The following COG5 variants were observed in gnomAD, a reference collection of about 807,000 sequenced individuals.
COG5 encodes the protein component of oligomeric golgi complex 5.
A neutral mutation model predicts 110.4 loss-of-function variants in COG5; 86 were observed. The observed-to-expected ratio is 0.78, with a 90% CI of 0.65 to 0.93. The LOEUF is 0.93. Among genes scored for constraint, COG5 ranks in the 40% least tolerant of loss-of-function variants. The pLI is 0.00. For synonymous variants in COG5, 360 were observed against 334.6 expected (o/e 1.08, Z -0.83); for missense variants, 1,077 against 987.0 (o/e 1.09, Z -1.22).
At chr7:107,228,909 A>G (rs1470391787) in intron 19 of COG5, among the ~76,000 whole-genome samples, 1 of 152,184 alleles carries the variant, frequency 6.6e-6, no homozygotes, top group Non-Finnish European at 1.5e-5. Flanking sequence ...GCTTGATGAC[A>G]GAAGAGAGCA....
chr7:107,453,393 A>T (rs1795465903), intron 6 of COG5, among the ~76,000 whole-genome samples: 1 of 152,180 alleles, frequency 6.6e-6, no homozygotes, highest in Non-Finnish European at 1.5e-5. Context: ...CAAGGATGAA[A>T]TTGGGTAAGT....
At chr7:107,534,468 A>G (rs1293232628) in intron 5 of COG5, among the ~76,000 whole-genome samples, 2 of 151,266 alleles carry the variant, frequency 1.3e-5, no homozygotes, top group South Asian at 4.2e-4. Flanking sequence ...GGATGGGTGA[A>G]TATTTACCAA....
chr7:107,305,895 T>C (rs1338486167), intron 11 of COG5, among the ~76,000 whole-genome samples: 1 of 152,034 alleles, frequency 6.6e-6, no homozygotes, highest in Non-Finnish European at 1.5e-5. Context: ...ACAGGAGGGA[T>C]ACGCACTTTG....
chr7:107,392,504 T>G (rs1790692862), intron 7 of COG5, among the ~76,000 whole-genome samples: 1 of 152,168 alleles, frequency 6.6e-6, no homozygotes, highest in Non-Finnish European at 1.5e-5. Context: ...AATGCTTATT[T>G]GCAAGTAACC....
chr7:107,362,189 T>C, intron 9 of COG5, 79 bp from the exon 10 acceptor site: 1 of 1,324,776 alleles, frequency 7.5e-7, no homozygotes, highest in Non-Finnish European at 1.1e-6. Flanking sequence ...TACATTATCA[T>C]CAGCTAGTGG....
chr7:107,390,072 G>A (rs1020120317), intron 7 of COG5, among the ~76,000 whole-genome samples: 46 of 152,072 alleles, frequency 3.0e-4, no homozygotes, highest in African/African-American at 1.1e-3. Flanking sequence ...ATATCTGTTC[G>A]AAATATTACT....
At chr7:107,498,239 G>A (rs1439868228) in intron 6 of COG5, among the ~76,000 whole-genome samples, 3 of 152,136 alleles carry the variant, frequency 2.0e-5, no homozygotes, top group Non-Finnish European at 4.4e-5. Flanking sequence ...TTTCACAGAT[G>A]TGACCAAAAA....
chr7:107,297,937 G>C (rs1479908969), intron 12 of COG5, among the ~76,000 whole-genome samples: 2 of 152,018 alleles, frequency 1.3e-5, no homozygotes, highest in Non-Finnish European at 2.9e-5. Flanking sequence ...ACTCCAGCAG[G>C]AGCCACAAGT....
At chr7:107,269,145 C>G (rs1251166683) in intron 14 of COG5, among the ~76,000 whole-genome samples, 2 of 152,054 alleles carry the variant, frequency 1.3e-5, no homozygotes, top group African/African-American at 4.8e-5. Context: ...TATTCTATTT[C>G]TATTCTTTCA....
chr7:107,529,702 G>A (rs1176402547), intron 5 of COG5, among the ~76,000 whole-genome samples: 1 of 152,150 alleles, frequency 6.6e-6, no homozygotes, highest in African/African-American at 2.4e-5. Context: ...GCCCACGTGG[G>A]ACTCTTCCAA....
At chr7:107,555,598 T>C (rs1803250254) in intron 2 of COG5, among the ~76,000 whole-genome samples, 1 of 152,212 alleles carries the variant, frequency 6.6e-6, no homozygotes, top group Admixed American at 6.5e-5. Flanking sequence ...TTTTAAAAAT[T>C]ATCTATTCTC....
chr7:107,465,985 C>T (rs1796272880), intron 6 of COG5, among the ~76,000 whole-genome samples: 2 of 152,016 alleles, frequency 1.3e-5, no homozygotes, highest in Admixed American at 1.3e-4. Context: ...GATCAATGGA[C>T]TTGGCCTCAG....
At chr7:107,511,142 T>C (rs544679490) in intron 6 of COG5, among the ~76,000 whole-genome samples, 11 of 150,282 alleles carry the variant, frequency 7.3e-5, no homozygotes, top group Non-Finnish European at 1.3e-4. Flanking sequence ...ACTGATAGAC[T>C]GCTAGCAAGA....
At chr7:107,415,339 G>A (rs1385315750) in intron 6 of COG5, among the ~76,000 whole-genome samples, 1 of 152,092 alleles carries the variant, frequency 6.6e-6, no homozygotes, top group African/African-American at 2.4e-5. Context: ...AAAATAATTA[G>A]CTGAAAAAGA....
chr7:107,304,981 G>A (rs1264077204), intron 11 of COG5, among the ~76,000 whole-genome samples: 1 of 152,138 alleles, frequency 6.6e-6, no homozygotes, highest in Non-Finnish European at 1.5e-5. Flanking sequence ...GAGTGAAGAA[G>A]GACAATAAAC....
chr7:107,478,948 CAATT>C (rs1160215773), intron 6 of COG5, among the ~76,000 whole-genome samples: 1 of 152,092 alleles, frequency 6.6e-6, no homozygotes, highest in East Asian at 1.9e-4. Context: ...CATGATTACA[CAATT>C]AAGTAAGCTT....
intron 13 of COG5, among the ~76,000 whole-genome samples, chr7:107,282,204 G>C (rs943940925): frequency 3.3e-5 from 5 of 152,088 alleles, no homozygotes; most frequent in African/African-American, 4.8e-5. Flanking sequence ...TAACAAAAAT[G>C]CACTTTCATA....
chr7:107,264,710 C>G (rs1354132098), intron 14 of COG5, among the ~76,000 whole-genome samples: 1 of 151,834 alleles, frequency 6.6e-6, no homozygotes, highest in Non-Finnish European at 1.5e-5. Flanking sequence ...CAACAAAAAC[C>G]AAAAACGAAC....
At chr7:107,404,479 G>T (rs935596590) in intron 7 of COG5, among the ~76,000 whole-genome samples, 1 of 152,002 alleles carries the variant, frequency 6.6e-6, no homozygotes, top group East Asian at 1.9e-4. Context: ...TATAATTTGA[G>T]GATAAAATAC....
Sources: allele counts gnomAD v4.1 joint callset (sites outside exome capture counted in the v4.1 genomes callset), GRCh38; gene constraint gnomAD v4.1.1; transcripts MANE v1.5; gene names NCBI Gene and HGNC (gene_info 2026-07-23, HGNC 2026-07-21).